The following PARD3 variants were observed in gnomAD, a reference collection of about 807,000 sequenced individuals.
PARD3 encodes the protein par-3 family cell polarity regulator.
PARD3 carries 75 observed loss-of-function variants against 155.4 expected under a neutral mutation model. That is an observed-to-expected ratio of 0.48 (90% confidence interval 0.40 to 0.58). The LOEUF (loss-of-function observed/expected upper bound fraction) is 0.58, where lower values mean the gene tolerates loss of function less well. Ranked by LOEUF, PARD3 falls within the 20% of genes least tolerant of loss-of-function variation. The pLI is 0.00. For synonymous variants in PARD3, 576 were observed against 610.5 expected, an observed-to-expected ratio of 0.94 and a Z score of 0.83; for missense variants, 1,642 against 1,721.7, an observed-to-expected ratio of 0.95 and a Z score of 0.82.
chr10:34,565,260 CTT>C (rs59606413), intron 2 of PARD3, among the ~76,000 whole-genome samples: 257 of 39,578 alleles, frequency 6.5e-3, no homozygotes, highest in African/African-American at 0.026. Flanking sequence ...AGGAGCAAGG[CTT>C]TTTTTTTTTT....
At chr10:34,647,396 G>A (rs1261508535) in intron 2 of PARD3, among the ~76,000 whole-genome samples, 2 of 152,168 alleles carry the variant, frequency 1.3e-5, no homozygotes, top group Non-Finnish European at 2.9e-5. Context: ...CGTTTTGCAC[G>A]GGTTTCGCAA....
At chr10:34,332,066 G>A (rs1256183909) in intron 18 of PARD3, among the ~76,000 whole-genome samples, 2 of 152,164 alleles carry the variant, frequency 1.3e-5, no homozygotes, top group Non-Finnish European at 2.9e-5. Flanking sequence ...TCTAGGCCTG[G>A]GAACAATATG....
chr10:34,174,561 C>T (rs1949951613), intron 22 of PARD3, among the ~76,000 whole-genome samples: 1 of 152,126 alleles, frequency 6.6e-6, no homozygotes, highest in Non-Finnish European at 1.5e-5. Context: ...CACAGTGAGG[C>T]CACCTGTCTG....
chr10:34,193,781 T>G (rs1340971043), intron 22 of PARD3, among the ~76,000 whole-genome samples: 1 of 152,218 alleles, frequency 6.6e-6, no homozygotes, highest in African/African-American at 2.4e-5. Context: ...TAAGTGAAGC[T>G]GGAGGACCAG....
intron 20 of PARD3, among the ~76,000 whole-genome samples, chr10:34,301,818 C>CTTTTTTT (rs5784408): frequency 7.9e-6 from 1 of 125,868 alleles, no homozygotes; most frequent in Non-Finnish European, 1.6e-5. Flanking sequence ...TTTCTCCTTT[C>CTTTTTTT]TTTTTTTTTT....
intron 2 of PARD3, among the ~76,000 whole-genome samples, chr10:34,525,853 T>G (rs2133744265): frequency 6.6e-6 from 1 of 150,540 alleles, no homozygotes; most frequent in East Asian, 2.0e-4. Context: ...GAGGTAGAGG[T>G]AGGTAGATCA....
At chr10:34,118,829 A>T (rs2132671179) in intron 24 of PARD3, among the ~76,000 whole-genome samples, 1 of 152,354 alleles carries the variant, frequency 6.6e-6, no homozygotes. Context: ...AAATACAGCA[A>T]CAAATGCCTA....
intron 1 of PARD3, among the ~76,000 whole-genome samples, chr10:34,764,349 G>A (rs1206759777): frequency 6.6e-6 from 1 of 152,150 alleles, no homozygotes; most frequent in Non-Finnish European, 1.5e-5. Flanking sequence ...ACGTACTTTA[G>A]CCAATGAATG....
At chr10:34,209,109 G>C (rs541554089) in intron 22 of PARD3, among the ~76,000 whole-genome samples, 4 of 152,268 alleles carry the variant, frequency 2.6e-5, no homozygotes, top group Non-Finnish European at 5.9e-5. Context: ...TAACTAGAGG[G>C]AAAAAGATGA....
At chr10:34,165,722 A>G (rs1216301444) in intron 22 of PARD3, among the ~76,000 whole-genome samples, 1 of 152,112 alleles carries the variant, frequency 6.6e-6, no homozygotes, top group African/African-American at 2.4e-5. Context: ...TTGTTGACTA[A>G]AACGTTAATT....
At chr10:34,383,031 G>C in intron 8 of PARD3, 109 bp from the exon 9 acceptor site, 2 of 1,256,462 alleles carry the variant, frequency 1.6e-6, no homozygotes, top group Non-Finnish European at 2.2e-6. Context: ...ACAGGCTGTT[G>C]AAATTGAAAA....
intron 5 of PARD3, among the ~76,000 whole-genome samples, chr10:34,413,267 C>T (rs1444449415): frequency 1.3e-5 from 2 of 151,504 alleles, no homozygotes; most frequent in African/African-American, 4.9e-5. Flanking sequence ...ACCATAACAC[C>T]TATGCATTAA....
At chr10:34,459,742 CATAT>C (rs1457508132) in intron 4 of PARD3, among the ~76,000 whole-genome samples, 2 of 151,930 alleles carry the variant, frequency 1.3e-5, no homozygotes, top group African/African-American at 2.4e-5. Context: ...TGTATATATA[CATAT>C]ATATTTAAAT....
chr10:34,732,925 C>G (rs953198907), intron 1 of PARD3, among the ~76,000 whole-genome samples: 2 of 152,134 alleles, frequency 1.3e-5, no homozygotes, highest in South Asian at 4.1e-4. Context: ...ACATGAGGGA[C>G]AGCCATCGGG....
intron 22 of PARD3, among the ~76,000 whole-genome samples, chr10:34,164,687 C>A (rs141201345): frequency 5.3e-4 from 80 of 152,260 alleles, no homozygotes; most frequent in African/African-American, 1.9e-3. Flanking sequence ...CAGCAGAAGA[C>A]GACATGCAGT....
chr10:34,570,240 G>A (rs2086281977), intron 2 of PARD3, among the ~76,000 whole-genome samples: 1 of 152,154 alleles, frequency 6.6e-6, no homozygotes, highest in Admixed American at 6.5e-5. Flanking sequence ...AACTGTGCTT[G>A]GCAATGTGTG....
Position 34,605,909 on chromosome 10 carries a change from A to ATATC in PARD3, c.223-88754_223-88751dup, listed in dbSNP as rs1215145939. 3.8e-4 allele frequency among the ~76,000 whole-genome samples: 40 copies of ATATC among 105,548 alleles called. 2 individuals are homozygous for ATATC. The highest frequency in any genetic ancestry group is 6.5e-4 in the Non-Finnish European group (36 of 55,202). 69.2% of individuals were successfully genotyped at this position (105,548 alleles called of 152,430 possible). A position where few individuals can be genotyped will look rare whatever the true frequency, so the allele number is the denominator to read the frequency against. Reference sequence around the variant, plus strand: ...TCCTATATATATATCTCCTATATATATATCTCCTATATATATATCTCCTAT... The same window carrying ATATC: ...TCCTATATATATATCTCCTATATATATATCTATCTCCTATATATATATCTCCTAT... On this transcript the variant is annotated intron_variant, in intron 2 of 24. Coordinates refer to ENST00000374788, the MANE Select transcript of PARD3 (RefSeq NM_001184785.2).
intron 1 of PARD3, among the ~76,000 whole-genome samples, chr10:34,774,833 T>C (rs1839334906): frequency 6.6e-6 from 1 of 152,240 alleles, no homozygotes; most frequent in African/African-American, 2.4e-5. Context: ...ACTGAAATCA[T>C]CAATGAAATC....
Position 34,525,517 on chromosome 10 carries a change from G to A in PARD3, c.223-8358C>T, listed in dbSNP as rs550870648. On this transcript the variant is annotated intron_variant, in intron 2 of 24. Coordinates refer to ENST00000374788, the MANE Select transcript of PARD3 (RefSeq NM_001184785.2). The stretch of plus-strand genomic sequence containing the variant: ...GTATATGTTCCAGCCTTGCCACTCT[G>A]CCAACCTTCCAACATATCTAAGAGG... Among the ~76,000 whole-genome samples the A allele has an allele frequency of 3.3e-5, 5 of 152,286 alleles. No individual in the cohort carries two copies. In the East Asian group the frequency reaches 9.7e-4, roughly 29 times the overall value.
Sources: gnomAD v4.1 joint callset for allele counts (sites outside exome capture counted in the v4.1 genomes callset) on GRCh38, gnomAD v4.1.1 for gene constraint, MANE v1.5 for transcripts, NCBI Gene and HGNC (gene_info 2026-07-23, HGNC 2026-07-21) for gene names.